The following MYO7A variants were observed in gnomAD, a reference collection of about 807,000 sequenced individuals.
The protein encoded by MYO7A is myosin VIIA.
Under a neutral mutation model 263.8 loss-of-function variants are expected in MYO7A, and 210 were observed. That is an observed-to-expected ratio of 0.80 (90% CI 0.71 to 0.89). The LOEUF (loss-of-function observed/expected upper bound fraction) is 0.89. MYO7A is among the 40% of genes least tolerant of loss of function. The pLI is 0.00. For synonymous variants in MYO7A, 1,239 were observed against 1,197.3 expected, an observed-to-expected ratio of 1.03 and a Z score of -0.72; for missense variants, 2,820 against 2,968.3, an observed-to-expected ratio of 0.95 and a Z score of 1.16.
chr11:77,147,294 A>G (rs1951640498), intron 3 of MYO7A, among the ~76,000 whole-genome samples: 1 of 151,378 alleles, frequency 6.6e-6, no homozygotes, highest in African/African-American at 2.4e-5. Context: ...ACCTCCTCGG[A>G]GGGGCAGTCC....
At chr11:77,193,118 G>GGTGGAGGTAGTGATGCTGTTGGTGATC in intron 31 of MYO7A, among the ~76,000 whole-genome samples, 1 of 136,946 alleles carries the variant, frequency 7.3e-6, no homozygotes, top group Non-Finnish European at 1.6e-5. Flanking sequence ...TGTTGGTGAT[G>GGTGGAGGTAGTGATGCTGTTGGTGATC]GTGGAGGTAG....
At chr11:77,181,881 C>G (rs1955249672) in intron 23 of MYO7A, 70 bp from the exon 24 acceptor site, 1 of 1,437,520 alleles carries the variant, frequency 7.0e-7, no homozygotes, top group Admixed American at 1.8e-5. Context: ...AACTTCTGGG[C>G]TCAGGCGATC....
rs565378482 is a variant in MYO7A, at chr11:77,160,084, C to T, written c.1081-79C>T. The T allele has an allele frequency of 9.7e-5, 147 of 1,508,324 alleles. 2 individuals carry two copies. The South Asian group carries it at 1.2e-3, about 12-fold the overall frequency. 93.4% of individuals were successfully genotyped at this position (1,508,324 alleles called of 1,614,324 possible). A position where few individuals can be genotyped will look rare whatever the true frequency, so the allele number is the denominator to read the frequency against. ...GCAGTGGTCTGGGCCAGGCCAGTGC[C>T]GGAAAGTGGAGGGATCCGGGTGTGG... On this transcript the variant is annotated intron_variant, in intron 10 of 48. Transcript: ENST00000409709.
At position 77,203,268 on chromosome 11, in the gene MYO7A, C is replaced by T. The variant is rs73497625; in HGVS notation, c.5326+51C>T. ...AGGGGAGCCAGGGACCGGGCAGGGC[C>T]TTCGTCTGCACACTGCCTTCCTCCT... On this transcript the variant is annotated intron_variant, in intron 38 of 48. Coordinates refer to ENST00000409709, the MANE Select transcript of MYO7A (RefSeq NM_000260.4). 6.1e-4 allele frequency: 937 copies of T among 1,530,066 alleles called. 2 individuals are homozygous for T. In the African/African-American group the frequency reaches 0.011, roughly 19 times the overall value. 94.8% of individuals were successfully genotyped at this position (1,530,066 alleles called of 1,614,324 possible). A position where few individuals can be genotyped will look rare whatever the true frequency, so the allele number is the denominator to read the frequency against.
In MYO7A at chr11:77,142,708, G is replaced by A. The variant is rs111033426; in HGVS notation, c.19-1G>A. 6 of 1,608,270 alleles carry A rather than the reference G, an allele frequency of 3.7e-6. No homozygotes were observed. The highest frequency in any genetic ancestry group is 5.1e-6 in the Non-Finnish European group (6 of 1,177,540). The stretch of plus-strand genomic sequence containing the variant: ...GGGCTGAGACTCTCTCTCGCCCATA[G>A]GGGGACCATGTGTGGATGGACCTGA... On this transcript the variant is annotated splice_acceptor_variant, in intron 2 of 48. Coordinates refer to ENST00000409709, the MANE Select transcript of MYO7A (RefSeq NM_000260.4). LOFTEE classifies it high-confidence loss of function.
intron 2 of MYO7A, among the ~76,000 whole-genome samples, chr11:77,137,105 G>C (rs1555047716): frequency 6.6e-6 from 1 of 152,214 alleles, no homozygotes; most frequent in Admixed American, 6.5e-5. Flanking sequence ...GCTATAGATG[G>C]GCGGGGAGAG....
intron 25 of MYO7A, 121 bp downstream of exon 25, chr11:77,182,721 A>C: frequency 9.4e-7 from 1 of 1,069,062 alleles, no homozygotes; most frequent in East Asian, 2.6e-5. Flanking sequence ...TGCCTCACCG[A>C]CCCCTGCCTG....
At chr11:77,186,337 C>G (rs530675381) in intron 27 of MYO7A, among the ~76,000 whole-genome samples, 1 of 152,288 alleles carries the variant, frequency 6.6e-6, no homozygotes, top group South Asian at 2.1e-4. Flanking sequence ...TCTTTTGAAG[C>G]CTTGAAGCCA....
chr11:77,169,938 C>G (rs563782618), intron 15 of MYO7A, among the ~76,000 whole-genome samples: 2 of 152,210 alleles, frequency 1.3e-5, no homozygotes, highest in East Asian at 3.9e-4. Context: ...TAGCTAGGCA[C>G]AGTGGTACAC....
chr11:77,193,061 TTGG>T (rs1339537547), intron 31 of MYO7A, among the ~76,000 whole-genome samples: 2,683 of 93,908 alleles, frequency 0.029, 546 homozygotes, highest in African/African-American at 0.058. Context: ...GGTGATGGTG[TTGG>T]TGATGGTGGA....
chr11:77,181,807 T>TG, intron 23 of MYO7A, 144 bp from the exon 24 acceptor site: 1 of 636,302 alleles, frequency 1.6e-6, no homozygotes, highest in Non-Finnish European at 2.5e-6. Context: ...TTTTTTGAGA[T>TG]GGGGTCGTAC....
chr11:77,190,702 C>G lies in MYO7A; in HGVS notation c.3756C>G (p.Thr1252=). 1 of 1,591,084 alleles carries G rather than the reference C, an allele frequency of 6.3e-7. No individual in the cohort carries two copies. The highest frequency in any genetic ancestry group is 8.5e-7 in the Non-Finnish European group (1 of 1,169,760). Reference sequence around the variant, plus strand: ...CCCTCTTGGGGCACTTCCAGGCCACCAAGTCCAAGAAGCCAATCATGTTGC... The same window carrying G: ...CCCTCTTGGGGCACTTCCAGGCCACGAAGTCCAAGAAGCCAATCATGTTGC... ...QPPSWLELQA[T]KSKKPIMLPV... The change falls in exon 30 of 49, where the codon ACC becomes ACG. Residue 1252 remains threonine, a synonymous_variant. Transcript: ENST00000409709.
chr11:77,142,737 T>C lies in MYO7A; in HGVS notation c.47T>C (p.Leu16Ser), dbSNP rs1052030. ...QGDHVWMDLR[L>S]GQEFDVPIGA... ...GACCATGTGTGGATGGACCTGAGAT[T>C]GGGGCAGGAGTTCGACGTGCCCATC... Residue 16 changes from leucine (L) to serine (S), a missense_variant, in exon 3 of 49, where the codon TTG (leucine) becomes TCG (serine). Physicochemically the swap from Leu to Ser is moderately radical, Grantham distance 145. Coordinates refer to ENST00000409709, the MANE Select transcript of MYO7A (RefSeq NM_000260.4). 602,303 of 1,609,820 alleles carry C rather than the reference T, an allele frequency of 0.37. 120,171 individuals carry two copies. Among genetic ancestry groups the C allele is most frequent in the African/African-American group, 0.77 (57,743 of 74,934 alleles).
intron 44 of MYO7A, 38 bp downstream of exon 44, chr11:77,208,841 C>A: frequency 2.1e-6 from 3 of 1,449,410 alleles, no homozygotes; most frequent in Non-Finnish European, 2.8e-6. Context: ...TCGTGCACAG[C>A]TAGCGTTGCT....
At chr11:77,177,487 G>A in intron 18 of MYO7A, 62 bp from the exon 19 acceptor site, 2 of 1,302,756 alleles carry the variant, frequency 1.5e-6, no homozygotes, top group South Asian at 2.5e-5. Context: ...CCCCCACTGG[G>A]ACTGAGCAGG....
intron 40 of MYO7A, 105 bp from the exon 41 acceptor site, chr11:77,205,992 G>A: frequency 1.2e-6 from 1 of 861,404 alleles, no homozygotes; most frequent in Non-Finnish European, 1.9e-6. Flanking sequence ...CATAGGAAGT[G>A]GCAGGCGGGG....
intron 23 of MYO7A, 21 bp downstream of exon 23, chr11:77,181,610 G>A: frequency 6.2e-7 from 1 of 1,606,412 alleles, no homozygotes; most frequent in Non-Finnish European, 8.5e-7. Flanking sequence ...AGGGACAGGG[G>A]CTCCAGAGGC....
At position 77,174,770 on chromosome 11, in the gene MYO7A, C is replaced by T. The variant is rs2135424545; in HGVS notation, c.1950C>T (p.His650=). Residue 650 remains histidine, a synonymous_variant, in exon 17 of 49, where the codon CAC becomes CAT. Transcript: ENST00000409709. ...GTGCCTGGCAGCTGTTCGACCGGCA[C>T]CTGTGCGTGCGCCAGCTGCGGTACT... ...EFKKPMLFDR[H]LCVRQLRYSG... 2.5e-6 allele frequency: 4 copies of T among 1,598,580 alleles called. No individual in the cohort carries two copies. The highest frequency in any genetic ancestry group is 1.7e-5 in the Admixed American group (1 of 57,740).
At chr11:77,205,316 G>A in intron 39 of MYO7A, 146 bp from the exon 40 acceptor site, 2 of 947,830 alleles carry the variant, frequency 2.1e-6, no homozygotes, top group South Asian at 3.5e-5. Context: ...TAGGGTGAGG[G>A]GTCCTGAGAT....
Sources: gnomAD v4.1 joint callset for allele counts (sites outside exome capture counted in the v4.1 genomes callset) on GRCh38, gnomAD v4.1.1 for gene constraint, MANE v1.5 for transcripts, NCBI Gene and HGNC (gene_info 2026-07-23, HGNC 2026-07-21) for gene names.